MGAT5: variants seen among roughly 807,000 people sequenced by gnomAD.
The protein encoded by MGAT5 is alpha-1,6-mannosylglycoprotein 6-beta-N-acetylglucosaminyltransferase, also known as alpha-1,6-mannosylglycoprotein 6-beta-N-acetylglucosaminyltransferase A.
MGAT5 carries 30 observed loss-of-function variants against 94.3 expected under a neutral mutation model. The ratio of observed to expected loss-of-function variants is 0.32; its 90% CI spans 0.24 to 0.43. The LOEUF (loss-of-function observed/expected upper bound fraction) is 0.43. Ranked by LOEUF, MGAT5 falls within the 20% of genes least tolerant of loss-of-function variation. The pLI is 1.00. For synonymous variants in MGAT5, 310 were observed against 322.9 expected (o/e 0.96, Z 0.43); for missense variants, 691 against 905.5 (o/e 0.76, Z 3.04).
chr2:134,431,697 C>T (rs1437022726), intron 14 of MGAT5, among the ~76,000 whole-genome samples: 1 of 152,198 alleles, frequency 6.6e-6, no homozygotes, highest in Non-Finnish European at 1.5e-5. Flanking sequence ...TCAGAGTTCT[C>T]CATGTGATCT....
chr2:134,323,999 C>T (rs1290925708), intron 4 of MGAT5, among the ~76,000 whole-genome samples: 1 of 152,146 alleles, frequency 6.6e-6, no homozygotes, highest in Non-Finnish European at 1.5e-5. Context: ...TAACCATCTG[C>T]AGAGCCTTTT....
intron 2 of MGAT5, among the ~76,000 whole-genome samples, chr2:134,310,099 A>G (rs1250166229): frequency 6.6e-6 from 1 of 152,168 alleles, no homozygotes; most frequent in Non-Finnish European, 1.5e-5. Flanking sequence ...GTTGAGTTCC[A>G]TTATGTCCAT....
intron 2 of MGAT5, among the ~76,000 whole-genome samples, chr2:134,271,084 C>T (rs1463896519): frequency 6.6e-6 from 1 of 152,220 alleles, no homozygotes; most frequent in African/African-American, 2.4e-5. Context: ...TGTACACCAC[C>T]ATGCGGTTCC....
intron 14 of MGAT5, among the ~76,000 whole-genome samples, chr2:134,432,984 T>A (rs1424313334): frequency 6.6e-6 from 1 of 151,548 alleles, no homozygotes; most frequent in Admixed American, 6.6e-5. Flanking sequence ...ACAATTCAAT[T>A]TTTTTTTTAG....
intron 1 of MGAT5, among the ~76,000 whole-genome samples, chr2:134,141,993 C>T (rs1397677890): frequency 1.3e-5 from 2 of 152,122 alleles, no homozygotes; most frequent in East Asian, 3.9e-4. Context: ...AAGCCTGGCT[C>T]AGGAGGTGGG....
chr2:134,388,086 A>G (rs76345908), intron 10 of MGAT5, among the ~76,000 whole-genome samples: 356 of 152,342 alleles, frequency 2.3e-3, no homozygotes, highest in African/African-American at 4.3e-3. Context: ...CAGAACTAAC[A>G]TGGAAGGTCC....
At chr2:134,325,215 C>A (rs1332202045) in intron 4 of MGAT5, among the ~76,000 whole-genome samples, 1 of 152,040 alleles carries the variant, frequency 6.6e-6, no homozygotes, top group Non-Finnish European at 1.5e-5. Context: ...ACAAGACTTG[C>A]CAAAACCCAA....
chr2:134,446,815 G>T (rs139354837), intron 15 of MGAT5, among the ~76,000 whole-genome samples: 3 of 152,190 alleles, frequency 2.0e-5, no homozygotes, highest in African/African-American at 7.2e-5. Context: ...TGCAGGAGGC[G>T]CCGCAGGCTC....
intron 1 of MGAT5, among the ~76,000 whole-genome samples, chr2:134,199,535 C>T (rs1404273259): frequency 6.6e-6 from 1 of 151,958 alleles, no homozygotes; most frequent in African/African-American, 2.4e-5. Context: ...TGGCCTGAAC[C>T]TCCTTCCACT....
At chr2:134,130,109 G>A (rs1034471501) in intron 1 of MGAT5, among the ~76,000 whole-genome samples, 3 of 151,452 alleles carry the variant, frequency 2.0e-5, no homozygotes, top group South Asian at 2.1e-4. Context: ...CAGCACTGCC[G>A]GCCCGTCCGC....
intron 1 of MGAT5, among the ~76,000 whole-genome samples, chr2:134,217,731 G>A (rs546817656): frequency 6.6e-6 from 1 of 152,152 alleles, no homozygotes; most frequent in Non-Finnish European, 1.5e-5. Flanking sequence ...CTGACTTACA[G>A]TTAGAAAAAA....
chr2:134,306,781 G>T (rs1356136212), intron 2 of MGAT5, among the ~76,000 whole-genome samples: 1 of 152,124 alleles, frequency 6.6e-6, no homozygotes, highest in Non-Finnish European at 1.5e-5. Flanking sequence ...CAGCTTATGT[G>T]ATTAATAAAA....
chr2:134,120,068 T>G (rs891027169), upstream of MGAT5: 13 of 152,352 alleles, frequency 8.5e-5, no homozygotes, highest in African/African-American at 3.1e-4. Flanking sequence ...CGGGGCTGAG[T>G]GTGGACGCGC....
At chr2:134,363,529 C>A (rs1558826027) in intron 10 of MGAT5, among the ~76,000 whole-genome samples, 2 of 152,216 alleles carry the variant, frequency 1.3e-5, no homozygotes, top group East Asian at 3.9e-4. Context: ...TTACCGATTC[C>A]CCTCTGCCCA....
intron 1 of MGAT5, among the ~76,000 whole-genome samples, chr2:134,254,850 C>G (rs912689528): frequency 2.6e-5 from 4 of 152,212 alleles, no homozygotes; most frequent in Admixed American, 1.3e-4. Flanking sequence ...GACACACTTT[C>G]CCCTGGAGTC....
intron 14 of MGAT5, among the ~76,000 whole-genome samples, chr2:134,435,518 T>C (rs1210695758): frequency 6.6e-6 from 1 of 152,212 alleles, no homozygotes; most frequent in Non-Finnish European, 1.5e-5. Context: ...TATTGACTTA[T>C]CCATTGTTTT....
intron 4 of MGAT5, among the ~76,000 whole-genome samples, chr2:134,326,884 C>T (rs182493371): frequency 6.6e-6 from 1 of 152,098 alleles, no homozygotes; most frequent in East Asian, 1.9e-4. Flanking sequence ...GTAAGAAGTG[C>T]AGATATCTGA....
intron 1 of MGAT5, among the ~76,000 whole-genome samples, chr2:134,239,592 T>G (rs1166935469): frequency 6.6e-6 from 1 of 152,106 alleles, no homozygotes; most frequent in African/African-American, 2.4e-5. Context: ...TGTGATGACA[T>G]TGAGCCCGCC....
Position 134,453,513 on chromosome 2 carries a change from T to C in MGAT5, c.*4666T>C, listed in dbSNP as rs150808077. 1 of 152,324 alleles carries C rather than the reference T, an allele frequency of 6.6e-6. No homozygotes were observed. The highest frequency in any genetic ancestry group is 2.4e-5 in the African/African-American group (1 of 41,566). 9.4% of individuals were successfully genotyped at this position (152,324 alleles called of 1,614,324 possible). On this transcript the variant is annotated 3_prime_UTR_variant, in exon 16 of 16. Transcript: ENST00000281923. ...GCACCCCTTGAGTCAAAGTTAACAGTATTCCTTTGAATGCAATAATAGAGG... is the reference window on the plus strand; with the variant it reads ...GCACCCCTTGAGTCAAAGTTAACAGCATTCCTTTGAATGCAATAATAGAGG...
Sources: allele counts gnomAD v4.1 joint callset (sites outside exome capture counted in the v4.1 genomes callset), GRCh38; gene constraint gnomAD v4.1.1; transcripts MANE v1.5; gene names NCBI Gene and HGNC (gene_info 2026-07-23, HGNC 2026-07-21).